Variants in SLC3A2 observed in about 807,000 individuals in gnomAD.
SLC3A2 encodes solute carrier family 3 member 2.
In SLC3A2, 32 loss-of-function variants were observed where a neutral mutation model predicts 48.5. The observed-to-expected ratio is 0.66, with a 90% CI of 0.50 to 0.89. The LOEUF is 0.89. Ranked by LOEUF, SLC3A2 falls within the 40% of genes least tolerant of loss-of-function variation. SLC3A2 has a pLI of 0.00. For synonymous variants in SLC3A2, 277 were observed against 288.8 expected (o/e 0.96, Z 0.41); for missense variants, 587 against 680.7 (o/e 0.86, Z 1.53).
chr11:62,876,487 A>G (rs1048833289), upstream of SLC3A2, among the ~76,000 whole-genome samples: 1 of 152,212 alleles, frequency 6.6e-6, no homozygotes, highest in African/African-American at 2.4e-5. Flanking sequence ...ATATCAACAC[A>G]TATGGCAGGA....
At chr11:62,868,992 G>A (rs971702205) in intron 1 of SLC3A2, among the ~76,000 whole-genome samples, 9 of 151,852 alleles carry the variant, frequency 5.9e-5, no homozygotes, top group Admixed American at 3.3e-4. Flanking sequence ...TCTGCCTCCC[G>A]TGTTCAAGTG....
At chr11:62,866,208 C>T (rs2085451186) in intron 1 of SLC3A2, among the ~76,000 whole-genome samples, 1 of 151,572 alleles carries the variant, frequency 6.6e-6, no homozygotes, top group South Asian at 2.1e-4. Flanking sequence ...ACCTCTGCCT[C>T]CTGGGTTCAA....
chr11:62,881,667 C>T lies in SLC3A2; in HGVS notation c.424+220C>T. 1.2e-6 allele frequency: 1 copy of T among 869,020 alleles called. No individual in the cohort carries two copies. Among genetic ancestry groups the T allele is most frequent in the Non-Finnish European group, 1.7e-6 (1 of 585,454 alleles). 53.8% of individuals were successfully genotyped at this position (869,020 alleles called of 1,614,324 possible). A position where few individuals can be genotyped will look rare whatever the true frequency, so the allele number is the denominator to read the frequency against. ...CACTCCGTCACGAGGGTGGGTGACT[C>T]AGCGTCCTCCTTCCCCGCGGCGCCA... On this transcript the variant is annotated intron_variant, in intron 1 of 8. Transcript: ENST00000338663. The surrounding 1 kb of genome is among the most constrained non-coding windows in gnomAD (Gnocchi z 4.0).
Position 62,881,630 on chromosome 11 carries a change from C to T in SLC3A2, c.424+183C>T, listed in dbSNP as rs2085640552. On this transcript the variant is annotated intron_variant, in intron 1 of 8. Coordinates refer to ENST00000338663, the MANE Select transcript of SLC3A2 (RefSeq NM_001013251.3). This position sits in a 1 kb window ranked among gnomAD's most constrained non-coding sequence, Gnocchi z 4.0. ...CTTCCCTCCTTTCTTTGAAGAAAGCCGACCCGCCCCTCACTCCGTCACGAG... is the reference window on the plus strand; with the variant it reads ...CTTCCCTCCTTTCTTTGAAGAAAGCTGACCCGCCCCTCACTCCGTCACGAG... The T allele has an allele frequency of 2.0e-6, 2 of 989,690 alleles. No homozygotes were observed. The highest frequency in any genetic ancestry group is 3.3e-5 in the African/African-American group (2 of 61,140). The allele number at this position is 989,690 out of a possible 1,614,324, so 61.3% of individuals were successfully genotyped here. A position where few individuals can be genotyped will look rare whatever the true frequency, so the allele number is the denominator to read the frequency against.
At chr11:62,882,839 T>G in intron 2 of SLC3A2, 69 bp from the exon 3 acceptor site, 4 of 1,285,518 alleles carry the variant, frequency 3.1e-6, no homozygotes, top group Non-Finnish European at 4.5e-6. Flanking sequence ...GTGACTTGCA[T>G]TTGTGATTTC....
rs1416071750 is a variant in SLC3A2 at position 62,888,617 on chromosome 11, G to T, written c.1514G>T (p.Gly505Val). The T allele has an allele frequency of 6.2e-7, 1 of 1,610,534 alleles. No homozygotes were observed. The highest frequency in any genetic ancestry group is 1.3e-5 in the African/African-American group (1 of 74,942). ...AGCACCCAGCCAGGCCGTGAGGAGG[G>T]CTCCCCTCTTGAGCTGGAACGCCTG... ...LLSTQPGREE[G>V]SPLELERLKL... Residue 505 changes from glycine (G) to valine (V), a missense_variant, in exon 9 of 9, where the codon GGC (glycine) becomes GTC (valine). By Grantham distance (109) the Gly-to-Val change is moderately radical. This residue lies in a region of SLC3A2 where 169 missense variants were observed against 204.4 expected (regional missense o/e 0.83). Transcript: ENST00000338663.
At chr11:62,858,437 C>T (rs900020677) in intron 1 of SLC3A2, among the ~76,000 whole-genome samples, 42 of 152,164 alleles carry the variant, frequency 2.8e-4, no homozygotes, top group African/African-American at 9.6e-4. Context: ...AATTTTTTGG[C>T]CGGGCGTGGT....
Position 62,888,687 on chromosome 11 carries a change from G to T in SLC3A2, c.1584G>T (p.Ala528=). ...GGCTGCTGCTCCGCTTCCCCTACGCGGCCTGACTTCAGCCTGACATGGACC... is the reference window on the plus strand; with the variant it reads ...GGCTGCTGCTCCGCTTCCCCTACGCTGCCTGACTTCAGCCTGACATGGACC... ...HEGLLLRFPY[A]A is the part of the protein sequence containing the mutation. Residue 528 remains alanine, a synonymous_variant, in exon 9 of 9, where the codon GCG becomes GCT. Coordinates refer to ENST00000338663, the MANE Select transcript of SLC3A2 (RefSeq NM_001013251.3). The T allele has an allele frequency of 3.1e-6, 5 of 1,589,960 alleles. No homozygotes were observed. The highest frequency in any genetic ancestry group is 4.3e-6 in the Non-Finnish European group (5 of 1,172,358).
chr11:62,866,002 AT>A (rs1419010412), intron 1 of SLC3A2, among the ~76,000 whole-genome samples: 2 of 152,016 alleles, frequency 1.3e-5, no homozygotes, highest in Non-Finnish European at 2.9e-5. Flanking sequence ...TCACCAGTAT[AT>A]TCTTGATGGT....
chr11:62,877,722 GCTCT>G (rs538786200), upstream of SLC3A2, among the ~76,000 whole-genome samples: 427 of 152,390 alleles, frequency 2.8e-3, 2 homozygotes, highest in African/African-American at 8.8e-3. Context: ...AAGATGCAGA[GCTCT>G]GCCTGAAAAA....
chr11:62,878,906 G>T (rs189782193), upstream of SLC3A2, among the ~76,000 whole-genome samples: 70 of 151,750 alleles, frequency 4.6e-4, no homozygotes, highest in African/African-American at 1.6e-3. Context: ...CTCCAAGTCT[G>T]GGACTACAGG....
chr11:62,867,024 CTTG>C (rs1381812285), intron 1 of SLC3A2, among the ~76,000 whole-genome samples: 1 of 151,686 alleles, frequency 6.6e-6, no homozygotes, highest in Admixed American at 6.6e-5. Context: ...GATGGAGTTT[CTTG>C]TTGTGCAGGC....
Position 62,881,152 on chromosome 11 carries a change from G to A in SLC3A2, c.129G>A (p.Val43=), listed in dbSNP as rs953685985. 1.9e-6 allele frequency: 3 copies of A among 1,601,756 alleles called. No individual in the cohort carries two copies. Among genetic ancestry groups the A allele is most frequent in the Admixed American group, 3.6e-5 (2 of 56,192 alleles). ...SLAGAEKNGL[V]KIKVAEDEAE... is the part of the protein sequence containing the mutation. The stretch of plus-strand genomic sequence containing the variant: ...CGGGAGCCGAGAAGAATGGTCTGGT[G>A]AAGATCAAGGTGGCGGAAGACGAGG... The change falls in exon 1 of 9, where the codon GTG becomes GTA. Residue 43 remains valine (V), a synonymous_variant. Transcript: ENST00000338663. This position sits in a 1 kb window ranked among gnomAD's most constrained non-coding sequence, Gnocchi z 4.0.
intron 1 of SLC3A2, among the ~76,000 whole-genome samples, chr11:62,865,566 A>C (rs1211987065): frequency 1.3e-5 from 2 of 150,906 alleles, no homozygotes; most frequent in African/African-American, 4.9e-5. Flanking sequence ...CCCCACAAAA[A>C]AAAAAAAAAA....
Position 62,888,333 on chromosome 11 carries a change from C to T in SLC3A2, c.1230C>T (p.Gly410=), listed in dbSNP as rs1232457619. The part of the protein sequence containing the change: ...GAVSANMTVK[G]QSEDPGSLLS... Reference sequence around the variant, plus strand: ...TGCTATGTTTTTATCATTCTTAGGGCCAGAGTGAAGACCCTGGCTCCCTCC... The same window carrying T: ...TGCTATGTTTTTATCATTCTTAGGGTCAGAGTGAAGACCCTGGCTCCCTCC... Residue 410 remains glycine (G), a splice_region_variant and synonymous_variant, in exon 9 of 9, where the codon GGC becomes GGT. Coordinates refer to ENST00000338663, the MANE Select transcript of SLC3A2 (RefSeq NM_001013251.3). The T allele has an allele frequency of 9.3e-6, 15 of 1,613,214 alleles. No individual in the cohort carries two copies. In the Admixed American group the frequency reaches 2.3e-4, roughly 25 times the overall value.
At chr11:62,884,562 C>G (rs758567765) in intron 4 of SLC3A2, 37 bp downstream of exon 4, 2 of 1,613,798 alleles carry the variant, frequency 1.2e-6, no homozygotes, top group Non-Finnish European at 1.7e-6. Flanking sequence ...AAAGCTTGGG[C>G]GAGAACAGAG....
intron 7 of SLC3A2, among the ~76,000 whole-genome samples, chr11:62,886,897 C>T (rs980462888): frequency 3.3e-5 from 5 of 152,012 alleles, no homozygotes; most frequent in African/African-American, 1.2e-4. Flanking sequence ...CTGTGCCTGG[C>T]CACAGCTAAT....
chr11:62,878,876 G>A (rs1389183551), upstream of SLC3A2, among the ~76,000 whole-genome samples: 1 of 151,794 alleles, frequency 6.6e-6, no homozygotes, highest in Non-Finnish European at 1.5e-5. Context: ...TCGGGTTCAA[G>A]CGATTCTCAT....
chr11:62,884,394 T>C, intron 3 of SLC3A2, 63 bp from the exon 4 acceptor site: 1 of 1,582,844 alleles, frequency 6.3e-7, no homozygotes. Flanking sequence ...TAGTGTGGGC[T>C]GGAATTTTCT....
Sources: gnomAD v4.1 joint callset for allele counts (sites outside exome capture counted in the v4.1 genomes callset) on GRCh38, gnomAD v4.1.1 for gene constraint, gnomAD v4.1.1 regional missense constraint, Gnocchi (gnomAD v3.1) non-coding constraint, MANE v1.5 for transcripts, NCBI Gene and HGNC (gene_info 2026-07-23, HGNC 2026-07-21) for gene names.